PALM2AKAP2: variants seen among roughly 807,000 people sequenced by gnomAD.
The protein encoded by PALM2AKAP2 is PALM2-AKAP2 fusion protein.
A neutral mutation model predicts 71.5 loss-of-function variants in PALM2AKAP2; 37 were observed. The ratio of observed to expected loss-of-function variants is 0.52; its 90% CI spans 0.40 to 0.68. The LOEUF (loss-of-function observed/expected upper bound fraction) is 0.68. Among genes scored for constraint, PALM2AKAP2 ranks in the 30% least tolerant of loss-of-function variants. PALM2AKAP2 has a pLI of 0.00. For synonymous variants in PALM2AKAP2, 468 were observed against 478.8 expected (o/e 0.98, Z 0.29); for missense variants, 1,224 against 1,191.8 (o/e 1.03, Z -0.40).
chr9:109,659,549 CATA>C (rs1304093880), intron 1 of PALM2AKAP2, among the ~76,000 whole-genome samples: 3 of 152,100 alleles, frequency 2.0e-5, no homozygotes, highest in Admixed American at 2.0e-4. Flanking sequence ...TTCCACTTAG[CATA>C]ATGTTTTCAA....
In PALM2AKAP2 at chr9:109,695,980, T is replaced by C. The variant is rs538635252; in HGVS notation, c.5+55114T>C. 3.3e-5 allele frequency among the ~76,000 whole-genome samples: 5 copies of C among 152,290 alleles called. No individual in the cohort carries two copies. The South Asian group carries it at 6.2e-4, about 19-fold the overall frequency. On this transcript the variant is annotated intron_variant, in intron 1 of 6. Transcript: ENST00000374531. ...CTAGGGAGACTATAGTTCACCATAA[T>C]TTATTGTATATTTCCAAATAACTGG... is the stretch of plus-strand genomic sequence containing the variant.
intron 1 of PALM2AKAP2, among the ~76,000 whole-genome samples, chr9:109,745,487 A>T (rs1024038855): frequency 9.5e-5 from 14 of 146,918 alleles, no homozygotes; most frequent in Non-Finnish European, 1.8e-4. Context: ...AGTGGCTGTC[A>T]GTGTGTGTGT....
chr9:109,943,495 A>T, intron 6 of PALM2AKAP2: 2 of 1,508,794 alleles, frequency 1.3e-6, no homozygotes, highest in Non-Finnish European at 1.8e-6. Context: ...TCACTGTACC[A>T]CTAACTGCAA....
intron 3 of PALM2AKAP2, among the ~76,000 whole-genome samples, chr9:110,156,803 G>A (rs1180831248): frequency 6.6e-6 from 1 of 152,172 alleles, no homozygotes. Context: ...GCCACGCAGG[G>A]AGAAGGTTGC....
chr9:109,656,094 A>T (rs1827302214), intron 1 of PALM2AKAP2, among the ~76,000 whole-genome samples: 1 of 152,216 alleles, frequency 6.6e-6, no homozygotes. Flanking sequence ...TCCTACCAGA[A>T]AAAGAAAATT....
chr9:109,850,839 T>C (rs561652925), intron 1 of PALM2AKAP2, among the ~76,000 whole-genome samples: 66 of 152,230 alleles, frequency 4.3e-4, no homozygotes, highest in Admixed American at 7.8e-4. Flanking sequence ...GACCATGAGA[T>C]TGCATGTGCC....
intron 1 of PALM2AKAP2, among the ~76,000 whole-genome samples, chr9:110,125,264 A>G (rs1192792887): frequency 6.6e-6 from 1 of 152,118 alleles, no homozygotes; most frequent in South Asian, 2.1e-4. Context: ...ATTCACATCA[A>G]TGCTAACTGA....
Position 109,787,189 on chromosome 9 carries a change from T to G in PALM2AKAP2, c.45+6656T>G, listed in dbSNP as rs533101083. Among the ~76,000 whole-genome samples, 25 of 152,342 alleles carry G rather than the reference T, an allele frequency of 1.6e-4. No individual in the cohort carries two copies. The East Asian group carries it at 4.8e-3, about 29-fold the overall frequency. ...GGTATCTGTATGATGTCACTGTACC[T>G]TGGTTTCCTCACCTGTAAGATGGGG... On this transcript the variant is annotated intron_variant, in intron 1 of 9. Transcript: ENST00000302798.
At chr9:110,074,716 C>T (rs1166456370) in intron 1 of PALM2AKAP2, among the ~76,000 whole-genome samples, 1 of 152,136 alleles carries the variant, frequency 6.6e-6, no homozygotes, top group Non-Finnish European at 1.5e-5. Context: ...TAAAAAGTCA[C>T]CATAGGCTGG....
At chr9:110,116,382 G>A (rs544613361) in intron 1 of PALM2AKAP2, among the ~76,000 whole-genome samples, 230 of 152,030 alleles carry the variant, frequency 1.5e-3, no homozygotes, top group Non-Finnish European at 2.7e-3. Context: ...GTGCGTGTGT[G>A]TGTGTGCGCA....
chr9:109,896,564 T>A (rs1302190998), intron 3 of PALM2AKAP2, among the ~76,000 whole-genome samples: 4 of 151,950 alleles, frequency 2.6e-5, no homozygotes, highest in Non-Finnish European at 5.9e-5. Flanking sequence ...TAGTCCCAGT[T>A]TGTTGGCAGC....
chr9:109,998,620 C>T, intron 6 of PALM2AKAP2, among the ~76,000 whole-genome samples: 1 of 74,866 alleles, frequency 1.3e-5, no homozygotes, highest in African/African-American at 6.6e-5. Context: ...TACTTTCTGA[C>T]CAGGGCGGGG....
intron 5 of PALM2AKAP2, among the ~76,000 whole-genome samples, chr9:109,930,106 A>G (rs546025547): frequency 6.6e-6 from 1 of 152,254 alleles, no homozygotes; most frequent in African/African-American, 2.4e-5. Context: ...TCCAGGATCC[A>G]AGCTCCAACA....
intron 1 of PALM2AKAP2, among the ~76,000 whole-genome samples, chr9:109,821,274 A>G (rs7020604): frequency 0.32 from 49,225 of 152,142 alleles, 8,259 homozygotes; most frequent in African/African-American, 0.37. Context: ...TGGCGCATGT[A>G]TACATATGTA....
chr9:110,029,505 T>C lies in PALM2AKAP2; in HGVS notation c.582+13466T>C, dbSNP rs142024687. 3.3e-3 allele frequency among the ~76,000 whole-genome samples: 509 copies of C among 152,356 alleles called. 4 individuals are homozygous for C. Among genetic ancestry groups the C allele is most frequent in the Middle Eastern group, 0.031 (9 of 294 alleles). ...TTCCTGAGGACATCTGTCTGTTTCCTTCTATGCACATTTTGAACATTCCAG... is the reference window on the plus strand; with the variant it reads ...TTCCTGAGGACATCTGTCTGTTTCCCTCTATGCACATTTTGAACATTCCAG... On this transcript the variant is annotated intron_variant, in intron 7 of 9. Coordinates refer to the PALM2AKAP2 transcript ENST00000302798.
chr9:109,948,704 T>C (rs1202317329), intron 6 of PALM2AKAP2, among the ~76,000 whole-genome samples: 4 of 152,142 alleles, frequency 2.6e-5, no homozygotes, highest in Non-Finnish European at 4.4e-5. Context: ...AAAAAGTACA[T>C]CTCACAAATC....
In PALM2AKAP2 at chr9:110,108,172, A is replaced by ACAC. The variant is rs767873038; in HGVS notation, c.157-27955_157-27954insCAC. Among the ~76,000 whole-genome samples, 8 of 145,928 alleles carry ACAC rather than the reference A, an allele frequency of 5.5e-5. No homozygotes were observed. In the East Asian group the frequency reaches 1.4e-3, roughly 26 times the overall value. On this transcript the variant is annotated intron_variant, in intron 1 of 3. Transcript: ENST00000374525. ...CTCTTGTCTCCCAGGCTGGAGTGCAATGGCGCAATCTTGGCTCACTGCAAC... is the reference window on the plus strand; with the variant it reads ...CTCTTGTCTCCCAGGCTGGAGTGCAACACTGGCGCAATCTTGGCTCACTGCAAC...
At chr9:109,642,631 C>T (rs1358592823) in intron 1 of PALM2AKAP2, among the ~76,000 whole-genome samples, 2 of 151,590 alleles carry the variant, frequency 1.3e-5, no homozygotes, top group Admixed American at 6.6e-5. Flanking sequence ...TATCATGGCT[C>T]ACTGCAGTAT....
At chr9:109,842,292 A>G (rs764123173) in intron 1 of PALM2AKAP2, among the ~76,000 whole-genome samples, 7 of 152,198 alleles carry the variant, frequency 4.6e-5, no homozygotes, top group Non-Finnish European at 7.3e-5. Flanking sequence ...AGGCTTTACA[A>G]ATATTTGATG....
Sources: allele counts gnomAD v4.1 joint callset (sites outside exome capture counted in the v4.1 genomes callset), GRCh38; gene constraint gnomAD v4.1.1; transcripts MANE v1.5; gene names NCBI Gene and HGNC (gene_info 2026-07-23, HGNC 2026-07-21).